Variants in MCF2L observed in about 807,000 individuals in gnomAD.
MCF2L encodes the protein guanine nucleotide exchange factor DBS.
A neutral mutation model predicts 153.4 loss-of-function variants in MCF2L; 97 were observed. That is an observed-to-expected ratio of 0.63 (90% CI 0.54 to 0.75). MCF2L has a LOEUF of 0.75. Among genes scored for constraint, MCF2L ranks in the 30% least tolerant of loss-of-function variants. The probability of loss-of-function intolerance (pLI) is 0.00; values close to 1 mark genes in which losing one functional copy is unlikely to be tolerated. For synonymous variants in MCF2L, 659 were observed against 632.2 expected, an observed-to-expected ratio of 1.04 and a Z score of -0.64; for missense variants, 1,347 against 1,495.2, an observed-to-expected ratio of 0.90 and a Z score of 1.64.
intron 2 of MCF2L, among the ~76,000 whole-genome samples, chr13:112,921,470 G>A (rs773682867): frequency 2.0e-5 from 3 of 152,164 alleles, no homozygotes; most frequent in Non-Finnish European, 4.4e-5. Flanking sequence ...GGATTTGTGT[G>A]GAAAACAATC....
chr13:113,090,876 C>T (rs1027111043), intron 26 of MCF2L: 25 of 1,160,640 alleles, frequency 2.2e-5, no homozygotes, highest in Admixed American at 8.2e-5. Flanking sequence ...TCCCTAGAGA[C>T]GGGCCCCGAA....
In MCF2L at chr13:112,969,760, C is replaced by G. The variant is rs556385547; in HGVS notation, c.79+302C>G. Among the ~76,000 whole-genome samples the G allele has an allele frequency of 3.9e-5, 6 of 152,152 alleles. No homozygotes were observed. Among genetic ancestry groups the G allele is most frequent in the African/African-American group, 1.4e-4 (6 of 41,426 alleles). ...TGCCCATCAACCTGCCTGTCCGCAGCCCTCGCAATGGAGAATGCATTGCGA... is the reference window on the plus strand; with the variant it reads ...TGCCCATCAACCTGCCTGTCCGCAGGCCTCGCAATGGAGAATGCATTGCGA... On this transcript the variant is annotated intron_variant, in intron 1 of 29. Coordinates refer to ENST00000535094, the MANE Select transcript of MCF2L (RefSeq NM_001112732.3). The surrounding 1 kb of genome is among the most constrained non-coding windows in gnomAD (Gnocchi z 4.8).
At chr13:112,933,677 C>T (rs910209537) in intron 2 of MCF2L, among the ~76,000 whole-genome samples, 3 of 152,258 alleles carry the variant, frequency 2.0e-5, no homozygotes. Flanking sequence ...AACTCTTCAT[C>T]CTCATGACAA....
At chr13:112,903,163 C>G (rs1188184066) in intron 2 of MCF2L, among the ~76,000 whole-genome samples, 1 of 152,202 alleles carries the variant, frequency 6.6e-6, no homozygotes, top group Non-Finnish European at 1.5e-5. Context: ...AAAATCCATC[C>G]TCTGGCTGGA....
At chr13:113,037,285 C>T (rs2086214943) in intron 3 of MCF2L, among the ~76,000 whole-genome samples, 2 of 152,182 alleles carry the variant, frequency 1.3e-5, no homozygotes, top group African/African-American at 4.8e-5. Context: ...AGGTGGAGGG[C>T]AGGCCAGGGC....
intron 26 of MCF2L, among the ~76,000 whole-genome samples, chr13:113,091,703 T>C (rs955410537): frequency 4.8e-4 from 73 of 150,520 alleles, no homozygotes; most frequent in African/African-American, 1.2e-3. Flanking sequence ...CCGACGAGGC[T>C]GAGCTCCCTG....
At chr13:113,088,724 C>G (rs2034888107) in intron 25 of MCF2L, 96 bp downstream of exon 25, 1 of 1,300,326 alleles carries the variant, frequency 7.7e-7, no homozygotes, top group Non-Finnish European at 1.1e-6. Context: ...CAGTGGGACC[C>G]TGTGGTTATT....
At chr13:112,985,762 C>G (rs1048312027) in intron 1 of MCF2L, among the ~76,000 whole-genome samples, 1 of 152,230 alleles carries the variant, frequency 6.6e-6, no homozygotes, top group South Asian at 2.1e-4. Context: ...ACTGTGCAAA[C>G]AGCTGGGGGC....
chr13:113,085,074 G>C lies in MCF2L; in HGVS notation c.2155-12G>C. ...AAAATTGTGCAAACCAAAGGCTCTGGGTTGGTTCCAGGAATGCCAGAGAAA... is the reference window on the plus strand; with the variant it reads ...AAAATTGTGCAAACCAAAGGCTCTGCGTTGGTTCCAGGAATGCCAGAGAAA... On this transcript the variant is annotated splice_polypyrimidine_tract_variant and intron_variant, in intron 19 of 29. Coordinates refer to ENST00000535094, the MANE Select transcript of MCF2L (RefSeq NM_001112732.3). The C allele has an allele frequency of 6.2e-7, 1 of 1,613,576 alleles. No homozygotes were observed. Among genetic ancestry groups the C allele is most frequent in the South Asian group, 1.1e-5 (1 of 91,072 alleles).
intron 1 of MCF2L, among the ~76,000 whole-genome samples, chr13:112,974,711 G>A (rs750807573): frequency 1.8e-4 from 28 of 152,212 alleles, no homozygotes; most frequent in Non-Finnish European, 3.1e-4. Flanking sequence ...ACCTGCTTTC[G>A]CCATAATAAA....
At chr13:113,060,929 A>AG (rs1287324068) in intron 5 of MCF2L, among the ~76,000 whole-genome samples, 3 of 141,222 alleles carry the variant, frequency 2.1e-5, no homozygotes, top group African/African-American at 5.1e-5. Context: ...ACCCCGCCAG[A>AG]GGTGCACAGA....
chr13:113,034,993 G>A (rs2086062043), intron 3 of MCF2L, among the ~76,000 whole-genome samples: 4 of 152,208 alleles, frequency 2.6e-5, no homozygotes, highest in Admixed American at 1.3e-4. Context: ...AGGGACCTAT[G>A]GCGCCCACAC....
intron 1 of MCF2L, among the ~76,000 whole-genome samples, chr13:113,011,833 TGC>T: frequency 2.4e-5 from 2 of 84,340 alleles, no homozygotes; most frequent in African/African-American, 9.9e-5. Context: ...GACACTGTGA[TGC>T]GGACGGTGGA....
At chr13:112,987,333 G>C (rs987657628) in intron 1 of MCF2L, among the ~76,000 whole-genome samples, 14 of 25,000 alleles carry the variant, frequency 5.6e-4, no homozygotes, top group Admixed American at 4.0e-3. Flanking sequence ...GCAGCCCAGG[G>C]CTCGTTGTCT....
In MCF2L at chr13:113,070,828, C is replaced by A. The variant is rs1290673917; in HGVS notation, c.996+655C>A. Among the ~76,000 whole-genome samples, 1 of 152,208 alleles carries A rather than the reference C, an allele frequency of 6.6e-6. No individual in the cohort carries two copies. The highest frequency in any genetic ancestry group is 2.4e-5 in the African/African-American group (1 of 41,450). On this transcript the variant is annotated intron_variant, in intron 9 of 29. Coordinates refer to ENST00000535094, the MANE Select transcript of MCF2L (RefSeq NM_001112732.3). The surrounding 1 kb of genome is among the most constrained non-coding windows in gnomAD (Gnocchi z 5.6). ...ACGGACCACAGTTCTTTCAATCATTCACCTGTTGAAGGGTATCTGGGTTGT... is the reference window on the plus strand; with the variant it reads ...ACGGACCACAGTTCTTTCAATCATTAACCTGTTGAAGGGTATCTGGGTTGT...
rs1466500241 is a variant in MCF2L at position 113,031,177 on chromosome 13, C to CAGAGACAGAG, written c.278+6422_278+6423insGACAGAGAGA. Among the ~76,000 whole-genome samples the CAGAGACAGAG allele has an allele frequency of 9.2e-3, 906 of 98,276 alleles. 11 individuals carry two copies. The highest frequency in any genetic ancestry group is 0.03 in the African/African-American group (842 of 27,960). The allele number at this position is 98,276 out of a possible 152,430, so 64.5% of individuals were successfully genotyped here. ...GACAGAGAGAAGAGACAGAGAGTGA[C>CAGAGACAGAG]AGACAGAGACAGAGAGACAGAGACA... On this transcript the variant is annotated intron_variant, in intron 3 of 29. Coordinates refer to ENST00000535094, the MANE Select transcript of MCF2L (RefSeq NM_001112732.3). The surrounding 1 kb of genome is among the most constrained non-coding windows in gnomAD (Gnocchi z 5.5).
intron 2 of MCF2L, among the ~76,000 whole-genome samples, chr13:112,920,010 T>G (rs1279298417): frequency 6.6e-6 from 1 of 152,228 alleles, no homozygotes; most frequent in Non-Finnish European, 1.5e-5. Flanking sequence ...AGTGTTTTCC[T>G]GCATTTGGAG....
At chr13:113,024,879 A>C (rs1265109212) in intron 3 of MCF2L, 121 bp downstream of exon 3, 1 of 787,106 alleles carries the variant, frequency 1.3e-6, no homozygotes, top group African/African-American at 1.8e-5. Context: ...TTTCCCTGTC[A>C]TGGGGTCCCC....
At chr13:112,991,092 C>A (rs2082878825) in intron 1 of MCF2L, among the ~76,000 whole-genome samples, 1 of 152,210 alleles carries the variant, frequency 6.6e-6, no homozygotes, top group Admixed American at 6.5e-5. Flanking sequence ...GTGGGGCCTG[C>A]AGGAGGGGAC....
Sources: allele counts gnomAD v4.1 joint callset (sites outside exome capture counted in the v4.1 genomes callset), GRCh38; gene constraint gnomAD v4.1.1; non-coding constraint Gnocchi (gnomAD v3.1); transcripts MANE v1.5; gene names NCBI Gene and HGNC (gene_info 2026-07-23, HGNC 2026-07-21).